APC: variants seen among roughly 807,000 people sequenced by gnomAD.
APC encodes APC regulator of Wnt signaling pathway, also known as adenomatous polyposis coli protein.
Under a neutral mutation model 247.0 loss-of-function variants are expected in APC, and 72 were observed. The observed-to-expected ratio is 0.29, with a 90% CI of 0.24 to 0.35. APC has a LOEUF of 0.35. Among genes scored for constraint, APC ranks in the 10% least tolerant of loss-of-function variants. The pLI is 1.00. For missense variants in APC, 3,400 were observed against 3,360.7 expected (o/e 1.01, Z -0.29); for synonymous variants, 1,254 against 1,162.5 (o/e 1.08, Z -1.60).
intron 1 of APC, among the ~76,000 whole-genome samples, chr5:112,740,538 T>C (rs1581070574): frequency 1.4e-5 from 2 of 147,950 alleles, no homozygotes; most frequent in African/African-American, 5.0e-5. Flanking sequence ...TTTTTTTTTT[T>C]TTTTTGAGAC....
intron 7 of APC, among the ~76,000 whole-genome samples, 169 bp from the exon 8 acceptor site, chr5:112,801,110 C>T (rs1366067851): frequency 2.0e-5 from 3 of 152,174 alleles, no homozygotes; most frequent in Middle Eastern, 3.4e-3. Context: ...CCGAGATAGT[C>T]GACCGCCAAT....
At chr5:112,806,804 C>G (rs1761452696) in intron 8 of APC, among the ~76,000 whole-genome samples, 1 of 152,050 alleles carries the variant, frequency 6.6e-6, no homozygotes, top group East Asian at 1.9e-4. Context: ...TTTTGAATTC[C>G]CAAGCTCAAG....
At chr5:112,768,200 C>T (rs1004303141) in intron 4 of APC, among the ~76,000 whole-genome samples, 11 of 151,886 alleles carry the variant, frequency 7.2e-5, no homozygotes, top group South Asian at 6.2e-4. Flanking sequence ...TGTGCCACCA[C>T]GCCTGGCTAA....
intron 6 of APC, 119 bp downstream of exon 6, chr5:112,781,022 T>C (rs998385843): frequency 1.3e-6 from 1 of 757,044 alleles, no homozygotes; most frequent in Non-Finnish European, 2.3e-6. Flanking sequence ...TTATTTTGGC[T>C]CTATTTCAAA....
rs139430679 is a variant in APC, at chr5:112,760,171, A to G, written c.135+5146A>G. Among the ~76,000 whole-genome samples, 576 of 152,246 alleles carry G rather than the reference A, an allele frequency of 3.8e-3. 4 individuals are homozygous for G. Among genetic ancestry groups the G allele is most frequent in the African/African-American group, 0.013 (554 of 41,538 alleles). The stretch of plus-strand genomic sequence containing the variant: ...ACAAGCAGGAGGACTTCACTGGGAG[A>G]AAGAAACTCTTGAGGACTTTCTGCA... On this transcript the variant is annotated intron_variant, in intron 2 of 15. Coordinates refer to ENST00000257430, the MANE Select transcript of APC (RefSeq NM_000038.6).
At chr5:112,828,105 A>C in intron 13 of APC, 99 bp downstream of exon 13, 22 of 943,202 alleles carry the variant, frequency 2.3e-5, no homozygotes, top group Non-Finnish European at 3.0e-5. Flanking sequence ...GTGCAATCTC[A>C]GCTCACTGCA....
rs893019185 is a variant in APC at position 112,793,589 on chromosome 5, A to T, written c.729+1060A>T. Among the ~76,000 whole-genome samples the T allele has an allele frequency of 1.7e-4, 26 of 152,214 alleles. 1 individual carries two copies. The highest frequency in any genetic ancestry group is 3.7e-4 in the Non-Finnish European group (25 of 68,040). ...ATCCATTCTTCAGGCATAGAGCTTCATTTAACTTTTTCATAGATAGCCCGC... is the reference window on the plus strand; with the variant it reads ...ATCCATTCTTCAGGCATAGAGCTTCTTTTAACTTTTTCATAGATAGCCCGC... On this transcript the variant is annotated intron_variant, in intron 7 of 15. Transcript: ENST00000257430.
rs2149903221 is a variant in APC at position 112,839,567 on chromosome 5, G to C, written c.3973G>C (p.Ala1325Pro). The change falls in exon 16 of 16, where the codon GCA (alanine) becomes CCA (proline). Residue 1325 changes from alanine to proline, a missense_variant. Physicochemically the swap from Ala to Pro is conservative, Grantham distance 27. Around this residue, in one of 9 missense-constraint regions of APC, gnomAD observed 715 missense variants for 656.6 expected, o/e 1.09. Transcript: ENST00000257430. This position sits in a 1 kb window ranked among gnomAD's most constrained non-coding sequence, Gnocchi z 5.0. ...SAEDPVSEVP[A>P]VSQHPRTKSS... is the part of the protein sequence containing the mutation. ...TGAAGATCCTGTGAGCGAAGTTCCAGCAGTGTCACAGCACCCTAGAACCAA... is the reference window on the plus strand; with the variant it reads ...TGAAGATCCTGTGAGCGAAGTTCCACCAGTGTCACAGCACCCTAGAACCAA... 6.2e-7 allele frequency: 1 copy of C among 1,614,196 alleles called. No individual in the cohort carries two copies. Among genetic ancestry groups the C allele is most frequent in the Non-Finnish European group, 8.5e-7 (1 of 1,180,020 alleles).
At chr5:112,829,225 G>A (rs944985064) in intron 14 of APC, 33 of 367,770 alleles carry the variant, frequency 9.0e-5, no homozygotes, top group South Asian at 6.2e-4. Flanking sequence ...TGCAACCTCC[G>A]TCTCCCATGT....
chr5:112,746,706 CTGAG>C (rs2149709319), intron 1 of APC, among the ~76,000 whole-genome samples: 1 of 152,136 alleles, frequency 6.6e-6, no homozygotes, highest in East Asian at 1.9e-4. Context: ...TTACTGAAAT[CTGAG>C]TAAGAATATT....
At chr5:112,762,580 A>C (rs1424968650) in intron 2 of APC, among the ~76,000 whole-genome samples, 1 of 152,226 alleles carries the variant, frequency 6.6e-6, no homozygotes, top group African/African-American at 2.4e-5. Flanking sequence ...GAACAAAAAA[A>C]GTGAGACACA....
At chr5:112,790,059 C>T (rs909301885) in intron 6 of APC, among the ~76,000 whole-genome samples, 1 of 151,280 alleles carries the variant, frequency 6.6e-6, no homozygotes, top group Non-Finnish European at 1.5e-5. Flanking sequence ...GGGGTTTCAC[C>T]ATGTTCCCTA....
intron 9 of APC, among the ~76,000 whole-genome samples, chr5:112,817,234 C>T (rs556035035): frequency 4.5e-4 from 69 of 152,216 alleles, no homozygotes; most frequent in African/African-American, 1.6e-3. Context: ...GATGTATTTT[C>T]GATTAACTCG....
intron 7 of APC, among the ~76,000 whole-genome samples, chr5:112,800,787 A>G (rs1580452765): frequency 6.6e-6 from 1 of 152,226 alleles, no homozygotes. Flanking sequence ...ATCAGAAGCT[A>G]AGAGCCTATC....
At chr5:112,742,553 A>T (rs2149697117) in intron 1 of APC, among the ~76,000 whole-genome samples, 1 of 152,342 alleles carries the variant, frequency 6.6e-6, no homozygotes, top group East Asian at 1.9e-4. Flanking sequence ...ATCTTCTTCC[A>T]AGATGGCTAA....
intron 1 of APC, among the ~76,000 whole-genome samples, chr5:112,728,341 A>T (rs1751914443): frequency 6.6e-6 from 1 of 152,128 alleles, no homozygotes; most frequent in African/African-American, 2.4e-5. Flanking sequence ...CATGTTGGCC[A>T]GGCTGCTCTT....
rs1554086490 is a variant in APC at position 112,840,763 on chromosome 5, T to G, written c.5169T>G (p.Ile1723Met). The G allele has an allele frequency of 6.2e-7, 1 of 1,614,002 alleles. No individual in the cohort carries two copies. Among genetic ancestry groups the G allele is most frequent in the African/African-American group, 1.3e-5 (1 of 75,046 alleles). ...ACAATAAAGCAGAGGAAGGTGATATTCTTGCAGAATGCATTAATTCTGCTA... is the reference window on the plus strand; with the variant it reads ...ACAATAAAGCAGAGGAAGGTGATATGCTTGCAGAATGCATTAATTCTGCTA... ...LDDNKAEEGD[I>M]LAECINSAMP... Residue 1723 changes from isoleucine to methionine, a missense_variant, in exon 16 of 16, where the codon ATT (isoleucine) becomes ATG (methionine). By Grantham distance (10) the Ile-to-Met change is conservative. Coordinates refer to ENST00000257430, the MANE Select transcript of APC (RefSeq NM_000038.6). This position sits in a 1 kb window ranked among gnomAD's most constrained non-coding sequence, Gnocchi z 4.1.
rs772573597 is a variant in APC at position 112,838,532 on chromosome 5, AAAC to A, written c.2939_2941del (p.Lys980_Pro981delinsThr). On this transcript the variant is annotated inframe_deletion, in exon 16 of 16. Coordinates refer to ENST00000257430, the MANE Select transcript of APC (RefSeq NM_000038.6). Reference sequence around the variant, plus strand: ...TGGTTATGGTAAAAGAGGTCAAATGAAACCCTCGATTGAATCCTATTCTGAAGA... The same window carrying A: ...TGGTTATGGTAAAAGAGGTCAAATGACCTCGATTGAATCCTATTCTGAAGA... 2 of 1,614,242 alleles carry A rather than the reference AAAC, an allele frequency of 1.2e-6. No homozygotes were observed. The highest frequency in any genetic ancestry group is 3.3e-5 in the Admixed American group (2 of 60,028).
At chr5:112,787,212 G>A (rs1020646218) in intron 6 of APC, among the ~76,000 whole-genome samples, 10 of 152,104 alleles carry the variant, frequency 6.6e-5, no homozygotes, top group African/African-American at 2.2e-4. Flanking sequence ...TAACAAGAAA[G>A]CAACCATAGA....
Sources: allele counts gnomAD v4.1 joint callset (sites outside exome capture counted in the v4.1 genomes callset), GRCh38; gene constraint gnomAD v4.1.1; regional missense constraint gnomAD v4.1.1; non-coding constraint Gnocchi (gnomAD v3.1); transcripts MANE v1.5; gene names NCBI Gene and HGNC (gene_info 2026-07-23, HGNC 2026-07-21).